Variants in CCNE1 observed in about 807,000 individuals in gnomAD.
The protein encoded by CCNE1 is G1/S-specific cyclin-E1.
Under a neutral mutation model 54.1 loss-of-function variants are expected in CCNE1, and 8 were observed. The ratio of observed to expected loss-of-function variants is 0.15; its 90% CI spans 0.09 to 0.27. CCNE1 has a LOEUF of 0.27. Ranked by LOEUF, CCNE1 falls within the 10% of genes least tolerant of loss-of-function variation. The pLI, the probability that CCNE1 is intolerant of heterozygous loss-of-function variation, is 1.00. For synonymous variants in CCNE1, 179 were observed against 185.2 expected (o/e 0.97, Z 0.27); for missense variants, 430 against 514.9 (o/e 0.84, Z 1.60).
chr19:29,812,493 C>T lies in CCNE1; in HGVS notation c.-24-39C>T, dbSNP rs886610323. The stretch of plus-strand genomic sequence containing the variant: ...GGGGGAAGGGGTACTGGGCCCGCGG[C>T]CTGACCCCGCCGCCGCCTCACCCCG... On this transcript the variant is annotated intron_variant, in intron 1 of 11. Transcript: ENST00000262643. 79 of 1,254,118 alleles carry T rather than the reference C, an allele frequency of 6.3e-5. No individual in the cohort carries two copies. In the Middle Eastern group the frequency reaches 1.5e-3, roughly 24 times the overall value. 77.7% of individuals were successfully genotyped at this position (1,254,118 alleles called of 1,614,324 possible).
intron 4 of CCNE1, among the ~76,000 whole-genome samples, chr19:29,815,525 G>A (rs1004852179): frequency 3.3e-5 from 5 of 151,884 alleles, no homozygotes; most frequent in Non-Finnish European, 7.4e-5. Flanking sequence ...ACCATGTGCT[G>A]TGTCTTCGAG....
chr19:29,818,919 C>T (rs149280229), intron 6 of CCNE1, among the ~76,000 whole-genome samples: 3 of 152,248 alleles, frequency 2.0e-5, no homozygotes, highest in East Asian at 1.9e-4. Context: ...TACGCCACCA[C>T]GCCCGGCTAA....
At chr19:29,821,698 G>C in intron 7 of CCNE1, 24 bp from the exon 8 acceptor site, 1 of 1,401,876 alleles carries the variant, frequency 7.1e-7, no homozygotes, top group South Asian at 1.2e-5. Flanking sequence ...TTTGGTGCTA[G>C]TGCCATCTTT....
intron 1 of CCNE1, 63 bp downstream of exon 1, chr19:29,812,215 G>A (rs1431053811): frequency 6.5e-6 from 1 of 154,972 alleles, no homozygotes; most frequent in African/African-American, 2.4e-5. Flanking sequence ...CCGGGGAGCT[G>A]GGTGGGGGCG....
chr19:29,819,232 ACT>A (rs1168118529), intron 6 of CCNE1, among the ~76,000 whole-genome samples: 2 of 150,824 alleles, frequency 1.3e-5, no homozygotes, highest in African/African-American at 4.9e-5. Context: ...TGACCATGAG[ACT>A]CTGTCTCAAT....
chr19:29,817,563 C>T (rs770917191), intron 6 of CCNE1, 22 bp downstream of exon 6: 16 of 1,613,894 alleles, frequency 9.9e-6, no homozygotes, highest in South Asian at 8.8e-5. Context: ...TCTTCCTGTT[C>T]GCTTCATGAA....
At chr19:29,823,587 C>G (rs1262470788) in intron 11 of CCNE1, 68 bp from the exon 12 acceptor site, 5 of 1,376,308 alleles carry the variant, frequency 3.6e-6, no homozygotes, top group Non-Finnish European at 4.9e-6. Flanking sequence ...AAAGAAAAAG[C>G]CTATGGTAAT....
At chr19:29,823,563 A>AT in intron 11 of CCNE1, 92 bp from the exon 12 acceptor site, 1 of 1,209,320 alleles carries the variant, frequency 8.3e-7, no homozygotes, top group Non-Finnish European at 1.1e-6. Flanking sequence ...AAAAAAAAAA[A>AT]TTTAAAAATT....
intron 4 of CCNE1, 32 bp from the exon 5 acceptor site, chr19:29,817,105 T>C: frequency 6.2e-7 from 1 of 1,606,120 alleles, no homozygotes; most frequent in Non-Finnish European, 8.5e-7. Context: ...TTGCATCTTA[T>C]CTCACCTCTC....
chr19:29,821,610 G>A, intron 7 of CCNE1, 112 bp from the exon 8 acceptor site: 2 of 500,144 alleles, frequency 4.0e-6, no homozygotes, highest in South Asian at 4.7e-5. Flanking sequence ...TTCCATCAGT[G>A]CGCCCTCTCT....
At chr19:29,817,041 A>G in intron 4 of CCNE1, 96 bp from the exon 5 acceptor site, 1 of 1,264,012 alleles carries the variant, frequency 7.9e-7, no homozygotes, top group Non-Finnish European at 1.1e-6. Flanking sequence ...CATGCCTAGT[A>G]TCTTACTGAG....
In CCNE1 at chr19:29,823,946, A is replaced by G; in HGVS notation, c.*169A>G. 2 of 700,194 alleles carry G rather than the reference A, an allele frequency of 2.9e-6. No individual in the cohort carries two copies. The highest frequency in any genetic ancestry group is 3.4e-5 in the Admixed American group (1 of 29,092). 43.4% of individuals were successfully genotyped at this position (700,194 alleles called of 1,614,324 possible). On this transcript the variant is annotated 3_prime_UTR_variant, in exon 12 of 12. Coordinates refer to ENST00000262643, the MANE Select transcript of CCNE1 (RefSeq NM_001238.4). ...CATCAAACAGGGCAAAGTGTTTTTT[A>G]TTGAATGCTTATAGGTTTTTTTTAA...
intron 4 of CCNE1, chr19:29,813,479 C>T (rs2145716570): frequency 1.2e-5 from 2 of 163,524 alleles, no homozygotes; most frequent in South Asian, 3.4e-4. Context: ...TTCCCCCTAT[C>T]TACACCTATT....
chr19:29,813,239 TC>T, intron 4 of CCNE1: 4 of 591,950 alleles, frequency 6.8e-6, no homozygotes, highest in Non-Finnish European at 1.2e-5. Context: ...AGCTTGGTGT[TC>T]CTGACTGGCA....
intron 6 of CCNE1, among the ~76,000 whole-genome samples, chr19:29,818,920 G>A (rs1302359782): frequency 2.0e-5 from 3 of 152,062 alleles, no homozygotes; most frequent in East Asian, 3.9e-4. Flanking sequence ...ACGCCACCAC[G>A]CCCGGCTAAT....
intron 6 of CCNE1, 71 bp from the exon 7 acceptor site, chr19:29,820,631 A>T (rs1300418181): frequency 9.3e-7 from 1 of 1,072,486 alleles, no homozygotes; most frequent in Non-Finnish European, 1.4e-6. Flanking sequence ...CAAAGTCATT[A>T]CAAGTTTTTT....
chr19:29,814,748 T>C (rs1195636982), intron 4 of CCNE1, among the ~76,000 whole-genome samples: 1 of 152,210 alleles, frequency 6.6e-6, no homozygotes, highest in Admixed American at 6.5e-5. Flanking sequence ...TGCCAAACTC[T>C]TGTGTAACTG....
chr19:29,824,021 C>T lies in CCNE1; in HGVS notation c.*244C>T, dbSNP rs770491148. 1.6e-4 allele frequency: 63 copies of T among 391,898 alleles called. No individual in the cohort carries two copies. Among genetic ancestry groups the T allele is most frequent in the East Asian group, 9.3e-4 (24 of 25,780 alleles). The allele number at this position is 391,898 out of a possible 1,614,324, so 24.3% of individuals were successfully genotyped here. A position where few individuals can be genotyped will look rare whatever the true frequency, so the allele number is the denominator to read the frequency against. ...ACCTCCAGACACCAGTGCGTGCTCC[C>T]GATGCTGCTATGGAAGGTGCTACTT... On this transcript the variant is annotated 3_prime_UTR_variant, in exon 12 of 12. Transcript: ENST00000262643.
chr19:29,821,251 G>T (rs1383149332), intron 7 of CCNE1, among the ~76,000 whole-genome samples: 2 of 152,150 alleles, frequency 1.3e-5, no homozygotes, highest in African/African-American at 4.8e-5. Context: ...GCCAGGCGTG[G>T]TGGCACGTGC....
Sources: gnomAD v4.1 joint callset for allele counts (sites outside exome capture counted in the v4.1 genomes callset) on GRCh38, gnomAD v4.1.1 for gene constraint, MANE v1.5 for transcripts, NCBI Gene and HGNC (gene_info 2026-07-23, HGNC 2026-07-21) for gene names.